IQGAP2: variants seen among roughly 807,000 people sequenced by gnomAD.
IQGAP2 encodes the protein ras GTPase-activating-like protein IQGAP2.
A neutral mutation model predicts 201.3 loss-of-function variants in IQGAP2; 173 were observed. That is an observed-to-expected ratio of 0.86 (90% CI 0.76 to 0.98). IQGAP2 has a LOEUF of 0.98. Ranked by LOEUF, IQGAP2 falls within the 50% of genes least tolerant of loss-of-function variation. The probability of loss-of-function intolerance (pLI) is 0.00; values close to 1 mark genes in which losing one functional copy is unlikely to be tolerated. For synonymous variants in IQGAP2, 675 were observed against 673.9 expected (o/e 1.00, Z -0.03); for missense variants, 1,687 against 1,864.8 (o/e 0.90, Z 1.76).
chr5:76,579,499 A>T, intron 5 of IQGAP2, among the ~76,000 whole-genome samples: 1 of 150,842 alleles, frequency 6.6e-6, no homozygotes, highest in East Asian at 1.9e-4. Context: ...GTAGGTCTTT[A>T]TTTACAATCT....
At chr5:76,630,312 C>T (rs567458736) in intron 14 of IQGAP2, among the ~76,000 whole-genome samples, 19 of 152,252 alleles carry the variant, frequency 1.2e-4, no homozygotes, top group Admixed American at 1.0e-3. Context: ...GATTATAGCA[C>T]AGCACAATTT....
intron 10 of IQGAP2, among the ~76,000 whole-genome samples, 162 bp downstream of exon 10, chr5:76,597,764 G>A (rs1747142551): frequency 6.6e-6 from 1 of 152,112 alleles, no homozygotes; most frequent in Non-Finnish European, 1.5e-5. Context: ...CTTCTTCCTT[G>A]TTAATTCTTG....
chr5:76,490,404 G>A (rs765957133), intron 2 of IQGAP2, among the ~76,000 whole-genome samples: 15 of 152,256 alleles, frequency 9.9e-5, no homozygotes, highest in Middle Eastern at 3.4e-3. Flanking sequence ...ACCCTGGAAT[G>A]CCCATTTTTA....
At chr5:76,424,989 A>G (rs1580161975) in intron 1 of IQGAP2, among the ~76,000 whole-genome samples, 1 of 152,342 alleles carries the variant, frequency 6.6e-6, no homozygotes, top group South Asian at 2.1e-4. Context: ...GATTAGGGAA[A>G]GGAGAGCACG....
chr5:76,702,649 C>T (rs1044321026), intron 35 of IQGAP2, 59 bp downstream of exon 35: 2 of 782,792 alleles, frequency 2.6e-6, no homozygotes, highest in East Asian at 4.9e-5. Context: ...TCATACATTG[C>T]TACCCTGGCT....
chr5:76,664,909 A>G lies in IQGAP2; in HGVS notation c.2530-117A>G, dbSNP rs955043638. 4 of 653,130 alleles carry G rather than the reference A, an allele frequency of 6.1e-6. No homozygotes were observed. In the African/African-American group the frequency reaches 7.3e-5, roughly 12 times the overall value. The allele number at this position is 653,130 out of a possible 1,614,324, so 40.5% of individuals were successfully genotyped here. ...TCTGTGAAGCACAGTAAAGCAATGCACAATACAATGAGGTATGCCTGTATT... is the reference window on the plus strand; with the variant it reads ...TCTGTGAAGCACAGTAAAGCAATGCGCAATACAATGAGGTATGCCTGTATT... On this transcript the variant is annotated intron_variant, in intron 21 of 35. Transcript: ENST00000274364.
At chr5:76,500,850 C>T (rs1270228477) in intron 2 of IQGAP2, among the ~76,000 whole-genome samples, 1 of 152,144 alleles carries the variant, frequency 6.6e-6, no homozygotes, top group Non-Finnish European at 1.5e-5. Context: ...TTTAATTTTA[C>T]AACATGCTGT....
At chr5:76,496,734 TTTC>T (rs1561416195) in intron 2 of IQGAP2, among the ~76,000 whole-genome samples, 2,302 of 38,296 alleles carry the variant, frequency 0.06, 162 homozygotes, top group African/African-American at 0.2. Flanking sequence ...CTTTTCTTTC[TTTC>T]TTTCTTTCTT....
At chr5:76,429,310 C>T (rs1752196237) in intron 1 of IQGAP2, among the ~76,000 whole-genome samples, 2 of 151,332 alleles carry the variant, frequency 1.3e-5, no homozygotes, top group Admixed American at 6.6e-5. Flanking sequence ...TGGTGGCTCA[C>T]ACCTGTAATC....
At chr5:76,578,092 G>A (rs1162637561) in intron 5 of IQGAP2, among the ~76,000 whole-genome samples, 3 of 152,130 alleles carry the variant, frequency 2.0e-5, no homozygotes, top group Non-Finnish European at 4.4e-5. Flanking sequence ...ACTTCTGGGT[G>A]CTTATGCTTG....
At chr5:76,645,306 A>G (rs893977109) in intron 17 of IQGAP2, among the ~76,000 whole-genome samples, 1 of 152,186 alleles carries the variant, frequency 6.6e-6, no homozygotes, top group Admixed American at 6.5e-5. Flanking sequence ...ACTGCAGTAA[A>G]CATACTTGTG....
intron 1 of IQGAP2, among the ~76,000 whole-genome samples, chr5:76,409,344 T>A (rs1054426447): frequency 6.9e-6 from 1 of 145,460 alleles, no homozygotes; most frequent in Non-Finnish European, 1.5e-5. Flanking sequence ...CTTCCCGGGT[T>A]CAAGCAATTC....
At chr5:76,496,720 CTTT>C (rs1756926884) in intron 2 of IQGAP2, among the ~76,000 whole-genome samples, 11 of 17,842 alleles carry the variant, frequency 6.2e-4, no homozygotes, top group African/African-American at 2.6e-3. Flanking sequence ...TTCTTTCTTT[CTTT>C]CTTTTCTTTC....
chr5:76,572,017 T>C (rs1745146988), intron 4 of IQGAP2, among the ~76,000 whole-genome samples: 2 of 152,240 alleles, frequency 1.3e-5, no homozygotes, highest in African/African-American at 2.4e-5. Flanking sequence ...TCTGATTGCA[T>C]CCCTCCCCCA....
chr5:76,532,545 C>T (rs964629270), intron 2 of IQGAP2, among the ~76,000 whole-genome samples: 15 of 152,078 alleles, frequency 9.9e-5, no homozygotes, highest in African/African-American at 3.4e-4. Flanking sequence ...AGACAGCCTC[C>T]TATCCTGTAG....
In IQGAP2 at chr5:76,695,582, C is replaced by T. The variant is rs1436716643; in HGVS notation, c.4122C>T (p.Ile1374=). 6.2e-7 allele frequency: 1 copy of T among 1,614,008 alleles called. No homozygotes were observed. Among genetic ancestry groups the T allele is most frequent in the Non-Finnish European group, 8.5e-7 (1 of 1,180,014 alleles). ...CTCTTGAGCAGAAGAAGAGGAAAATCCAGAGGAATCTTCGGACGTTGGAAC... is the reference window on the plus strand; with the variant it reads ...CTCTTGAGCAGAAGAAGAGGAAAATTCAGAGGAATCTTCGGACGTTGGAAC... ...QLPLEQKKRK[I]QRNLRTLEQT... The change falls in exon 32 of 36, where the codon ATC becomes ATT. Residue 1374 remains isoleucine, a synonymous_variant. Transcript: ENST00000274364.
At chr5:76,669,941 G>C (rs986855859) in intron 23 of IQGAP2, among the ~76,000 whole-genome samples, 1 of 152,126 alleles carries the variant, frequency 6.6e-6, no homozygotes, top group African/African-American at 2.4e-5. Flanking sequence ...TTCTGCCTCA[G>C]CCTCCTGAGT....
intron 13 of IQGAP2, among the ~76,000 whole-genome samples, chr5:76,623,941 T>TTTTTC (rs1554076469): frequency 1.3e-5 from 2 of 149,004 alleles, no homozygotes; most frequent in Non-Finnish European, 3.0e-5. Flanking sequence ...TCAGGCTTTT[T>TTTTTC]TTTTTTTTTT....
intron 1 of IQGAP2, among the ~76,000 whole-genome samples, chr5:76,451,278 C>T (rs1561381293): frequency 6.6e-6 from 1 of 152,114 alleles, no homozygotes; most frequent in Non-Finnish European, 1.5e-5. Flanking sequence ...TCCTCTTCCT[C>T]TTGTTCCTTC....
Sources: allele counts gnomAD v4.1 joint callset (sites outside exome capture counted in the v4.1 genomes callset), GRCh38; gene constraint gnomAD v4.1.1; transcripts MANE v1.5; gene names NCBI Gene and HGNC (gene_info 2026-07-23, HGNC 2026-07-21).